Variants in MSRB3 observed in about 807,000 individuals in gnomAD.
MSRB3 encodes methionine-R-sulfoxide reductase B3.
MSRB3 carries 13 observed loss-of-function variants against 21.0 expected under a neutral mutation model. The ratio of observed to expected loss-of-function variants is 0.62; its 90% confidence interval spans 0.40 to 0.98. The LOEUF is 0.98. Among genes scored for constraint, MSRB3 ranks in the 50% least tolerant of loss-of-function variants. The pLI is 0.00. For synonymous variants in MSRB3, 87 were observed against 88.6 expected, an observed-to-expected ratio of 0.98 and a Z score of 0.10; for missense variants, 199 against 230.3, an observed-to-expected ratio of 0.86 and a Z score of 0.88.
At position 65,463,712 on chromosome 12, in the gene MSRB3, G is replaced by A; in HGVS notation, c.*390G>A. On this transcript the variant is annotated 3_prime_UTR_variant, in exon 7 of 7. Transcript: ENST00000308259. The stretch of plus-strand genomic sequence containing the variant: ...GTAGAGACCAGAGCTGGGCAGTGCA[G>A]GGCATGGAGACCTGCAAGACACATG... 1 of 243,558 alleles carries A rather than the reference G, an allele frequency of 4.1e-6. No individual in the cohort carries two copies. Among genetic ancestry groups the A allele is most frequent in the South Asian group, 5.2e-5 (1 of 19,068 alleles). 15.1% of individuals were successfully genotyped at this position (243,558 alleles called of 1,614,324 possible). A position where few individuals can be genotyped will look rare whatever the true frequency, so the allele number is the denominator to read the frequency against.
At chr12:65,321,035 C>T (rs1244202310) in intron 2 of MSRB3, among the ~76,000 whole-genome samples, 1 of 152,178 alleles carries the variant, frequency 6.6e-6, no homozygotes, top group Non-Finnish European at 1.5e-5. Context: ...TCAAATATCA[C>T]CTCAGTGAGA....
intron 1 of MSRB3, chr12:65,286,398 C>CT (rs770142191): frequency 8.9e-4 from 136 of 152,236 alleles, no homozygotes; most frequent in Admixed American, 1.8e-3. Context: ...TAAGACTGGA[C>CT]TTTTAAATAG....
chr12:65,343,877 G>T (rs1565843698), intron 4 of MSRB3, among the ~76,000 whole-genome samples: 1 of 151,972 alleles, frequency 6.6e-6, no homozygotes, highest in Non-Finnish European at 1.5e-5. Context: ...TCTGATAATG[G>T]CCAATGACTA....
chr12:65,423,884 C>A (rs1362030494), intron 5 of MSRB3, among the ~76,000 whole-genome samples: 1 of 152,218 alleles, frequency 6.6e-6, no homozygotes, highest in Non-Finnish European at 1.5e-5. Context: ...CTCTTCAATT[C>A]TTTGGAAGAG....
At chr12:65,356,155 T>G (rs1877369882) in intron 4 of MSRB3, among the ~76,000 whole-genome samples, 2 of 151,918 alleles carry the variant, frequency 1.3e-5, no homozygotes, top group African/African-American at 4.8e-5. Context: ...CCACAGAAAA[T>G]TTATCTTTTT....
At chr12:65,393,629 G>C (rs1464073581) in intron 5 of MSRB3, among the ~76,000 whole-genome samples, 2 of 39,620 alleles carry the variant, frequency 5.0e-5, no homozygotes, top group Admixed American at 4.4e-4. Context: ...AGACTCCGTC[G>C]CAAAAAAAAA....
intron 5 of MSRB3, chr12:65,419,878 T>C: frequency 1.5e-6 from 1 of 657,294 alleles, no homozygotes; most frequent in South Asian, 1.4e-5. Context: ...GAGCAGGACA[T>C]GGAGATCCGG....
At chr12:65,316,958 G>A (rs908732431) in intron 2 of MSRB3, among the ~76,000 whole-genome samples, 3 of 152,124 alleles carry the variant, frequency 2.0e-5, no homozygotes, top group Non-Finnish European at 4.4e-5. Context: ...GATGGGGGTA[G>A]GGGTGGATTG....
chr12:65,441,138 T>C (rs1409930970), intron 5 of MSRB3, among the ~76,000 whole-genome samples: 1 of 151,938 alleles, frequency 6.6e-6, no homozygotes, highest in African/African-American at 2.4e-5. Context: ...TTCAACACTC[T>C]TCATGTGATG....
rs539613300 is a variant in MSRB3, at chr12:65,411,138, A to C, written c.292+42112A>C. On this transcript the variant is annotated intron_variant, in intron 5 of 6. Transcript: ENST00000308259. ...AGGCCTGTTTTCAGATTCAGTGTAT[A>C]CTTTAACTAAGTTTCTTTTCCTACT... 1.7e-3 allele frequency among the ~76,000 whole-genome samples: 255 copies of C among 152,346 alleles called. 1 individual carries two copies. Among genetic ancestry groups the C allele is most frequent in the Non-Finnish European group, 2.4e-3 (162 of 68,038 alleles).
At chr12:65,325,494 C>A (rs1874960906) in intron 2 of MSRB3, among the ~76,000 whole-genome samples, 1 of 152,104 alleles carries the variant, frequency 6.6e-6, no homozygotes, top group Admixed American at 6.5e-5. Context: ...TGTGGAGAAT[C>A]AACCGCTCTA....
chr12:65,450,268 CA>C (rs1264901430), intron 5 of MSRB3, among the ~76,000 whole-genome samples: 1 of 152,086 alleles, frequency 6.6e-6, no homozygotes, highest in Non-Finnish European at 1.5e-5. Context: ...GTTATATCTG[CA>C]GATGAATGTG....
rs182978740 is a variant in MSRB3 at position 65,327,217 on chromosome 12, G to A, written c.185+283G>A. ...CTACAAAATGTGTGGAAGTAACAGC[G>A]ATTTAGGTACATTTTTTGGGAAGAC... On this transcript the variant is annotated intron_variant, in intron 3 of 6. Coordinates refer to ENST00000308259, the MANE Select transcript of MSRB3 (RefSeq NM_001031679.3). Among the ~76,000 whole-genome samples, 8 of 152,344 alleles carry A rather than the reference G, an allele frequency of 5.3e-5. No homozygotes were observed. In the East Asian group the frequency reaches 7.7e-4, roughly 15 times the overall value.
At chr12:65,432,379 G>A (rs1592632962) in intron 5 of MSRB3, among the ~76,000 whole-genome samples, 2 of 151,966 alleles carry the variant, frequency 1.3e-5, no homozygotes, top group South Asian at 4.1e-4. Context: ...GGCAAGGAAA[G>A]ATGAATGGAT....
intron 4 of MSRB3, among the ~76,000 whole-genome samples, chr12:65,351,846 A>G (rs944095661): frequency 6.6e-6 from 1 of 152,182 alleles, no homozygotes; most frequent in African/African-American, 2.4e-5. Flanking sequence ...AAAAGAGTCC[A>G]GGACCACATG....
At chr12:65,436,246 T>A (rs1213222326) in intron 5 of MSRB3, among the ~76,000 whole-genome samples, 1 of 151,886 alleles carries the variant, frequency 6.6e-6, no homozygotes, top group Non-Finnish European at 1.5e-5. Flanking sequence ...TTGTCACCAA[T>A]AGAAACCACA....
chr12:65,423,276 A>C (rs1881416837), intron 5 of MSRB3, among the ~76,000 whole-genome samples: 1 of 152,086 alleles, frequency 6.6e-6, no homozygotes, highest in Non-Finnish European at 1.5e-5. Flanking sequence ...TTCTATATAT[A>C]GGATTATTTC....
intron 1 of MSRB3, among the ~76,000 whole-genome samples, chr12:65,298,301 G>A (rs73318430): frequency 0.041 from 6,263 of 152,282 alleles, 195 homozygotes; most frequent in Non-Finnish European, 0.053. Flanking sequence ...ACCACACCCT[G>A]CTGATGGGAC....
chr12:65,311,603 G>A (rs1873990486), intron 2 of MSRB3, among the ~76,000 whole-genome samples: 1 of 152,010 alleles, frequency 6.6e-6, no homozygotes, highest in South Asian at 2.1e-4. Flanking sequence ...AGTTTGTACA[G>A]GTAGGGAAGA....
Sources: allele counts gnomAD v4.1 joint callset (sites outside exome capture counted in the v4.1 genomes callset), GRCh38; gene constraint gnomAD v4.1.1; transcripts MANE v1.5; gene names NCBI Gene and HGNC (gene_info 2026-07-23, HGNC 2026-07-21).